The following SP140 variants were observed in gnomAD, a reference collection of about 807,000 sequenced individuals.
SP140 encodes nuclear body protein SP140.
SP140 carries 81 observed loss-of-function variants against 125.0 expected under a neutral mutation model. The ratio of observed to expected loss-of-function variants is 0.65; its 90% CI spans 0.54 to 0.78. The LOEUF (loss-of-function observed/expected upper bound fraction) is 0.78. SP140 is among the 30% of genes least tolerant of loss of function. The probability of loss-of-function intolerance (pLI) is 0.00; values close to 1 mark genes in which losing one functional copy is unlikely to be tolerated. For synonymous variants in SP140, 312 were observed against 354.0 expected, an observed-to-expected ratio of 0.88 and a Z score of 1.33; for missense variants, 858 against 1,037.0, an observed-to-expected ratio of 0.83 and a Z score of 2.37.
At chr2:230,296,303 G>A (rs2057723894) in intron 21 of SP140, among the ~76,000 whole-genome samples, 1 of 152,134 alleles carries the variant, frequency 6.6e-6, no homozygotes, top group Admixed American at 6.5e-5. Flanking sequence ...GGGTGGGGTG[G>A]GAGATTCTAG....
In SP140 at chr2:230,248,976, T is replaced by C. The variant is rs1372989580; in HGVS notation, c.976+8T>C. ...TACCAGGTGAAGGAGAAGGTAATTA[T>C]GATTTAAGTTTTTAAATATTTGAGT... On this transcript the variant is annotated splice_region_variant and intron_variant, in intron 9 of 26. Transcript: ENST00000392045. 2 of 1,599,944 alleles carry C rather than the reference T, an allele frequency of 1.3e-6. No individual in the cohort carries two copies. The highest frequency in any genetic ancestry group is 1.7e-5 in the Admixed American group (1 of 58,920).
At chr2:230,282,151 G>T (rs1183112485) in intron 15 of SP140, among the ~76,000 whole-genome samples, 2 of 152,104 alleles carry the variant, frequency 1.3e-5, no homozygotes, top group East Asian at 3.9e-4. Context: ...ATTCTCCTCT[G>T]GGGATATTAA....
Position 230,211,354 on chromosome 2 carries a change from G to T in SP140, c.-322-2300G>T. The T allele has an allele frequency of 1.3e-6, 1 of 764,250 alleles. No individual in the cohort carries two copies. The highest frequency in any genetic ancestry group is 2.4e-6 in the Non-Finnish European group (1 of 423,746). 47.3% of individuals were successfully genotyped at this position (764,250 alleles called of 1,614,324 possible). ...AAGTGCTGGGTGAACTGGAAGCTGG[G>T]CCAAGATTGCTGAGAGGCAGGAGGA... is the stretch of plus-strand genomic sequence containing the variant. On this transcript the variant is annotated intron_variant, in intron 1 of 4. Coordinates refer to the SP140 transcript ENST00000456542. This position sits in a 1 kb window ranked among gnomAD's most constrained non-coding sequence, Gnocchi z 4.2.
chr2:230,244,509 G>C (rs2049139637), intron 5 of SP140, among the ~76,000 whole-genome samples: 1 of 152,194 alleles, frequency 6.6e-6, no homozygotes, highest in South Asian at 2.1e-4. Context: ...GTTCTTAGGG[G>C]AGTGGGCCAG....
intron 7 of SP140, among the ~76,000 whole-genome samples, 164 bp from the exon 8 acceptor site, chr2:230,247,752 T>C (rs1181954873): frequency 6.6e-6 from 1 of 152,220 alleles, no homozygotes; most frequent in African/African-American, 2.4e-5. Flanking sequence ...TTTCTAGTCA[T>C]TGTCATTTTC....
chr2:230,216,754 GC>G (rs752191069), intron 3 of SP140: 1 of 1,612,936 alleles, frequency 6.2e-7, no homozygotes, highest in Non-Finnish European at 8.5e-7. Flanking sequence ...GGGCTGGGCT[GC>G]CATGGAAGGG....
chr2:230,270,367 C>T (rs1393952938), intron 14 of SP140, among the ~76,000 whole-genome samples: 1 of 152,138 alleles, frequency 6.6e-6, no homozygotes, highest in Non-Finnish European at 1.5e-5. Context: ...TGCAGGTCTA[C>T]TCTTCTTAGC....
chr2:230,284,768 T>A lies in SP140; in HGVS notation c.1564+357T>A, dbSNP rs551023583. Among the ~76,000 whole-genome samples, 5 of 152,350 alleles carry A rather than the reference T, an allele frequency of 3.3e-5. No homozygotes were observed. The East Asian group carries it at 7.7e-4, about 23-fold the overall frequency. ...GTGCACAATAGTAAACATACATATA[T>A]GTATAACCATATTTTATGTGAAATT... On this transcript the variant is annotated intron_variant, in intron 16 of 26. Coordinates refer to ENST00000392045, the MANE Select transcript of SP140 (RefSeq NM_007237.5).
intron 1 of SP140, among the ~76,000 whole-genome samples, chr2:230,235,868 G>GTTTT (rs984054259): frequency 1.4e-3 from 110 of 77,974 alleles, no homozygotes; most frequent in East Asian, 2.0e-3. Context: ...TCTTGTGACT[G>GTTTT]TTTTTTTTTT....
At chr2:230,188,901 A>C in the SP140 span, among the ~76,000 whole-genome samples, 46 of 152,014 alleles carry the variant, frequency 3.0e-4, no homozygotes, top group Admixed American at 3.0e-3. Flanking sequence ...TGGTCTGTTC[A>C]TGGTTTCTAT....
chr2:230,216,639 A>G (rs963528981), intron 3 of SP140: 37 of 978,300 alleles, frequency 3.8e-5, no homozygotes, highest in Non-Finnish European at 8.1e-6. Flanking sequence ...TCTCCTAACT[A>G]CCCCCACCTT....
At chr2:230,220,743 C>G (rs2045743454), upstream of SP140, among the ~76,000 whole-genome samples, 10 of 152,256 alleles carry the variant, frequency 6.6e-5, 1 homozygote, top group South Asian at 2.1e-3. Flanking sequence ...GTGGCTCATG[C>G]CTATAATCCC....
chr2:230,314,168 G>GA, downstream of SP140, among the ~76,000 whole-genome samples: 1 of 152,296 alleles, frequency 6.6e-6, no homozygotes, highest in Non-Finnish European at 1.5e-5. Context: ...AGAGGTACCT[G>GA]AGAACTTTGA....
chr2:230,249,025 T>TG, intron 9 of SP140, 57 bp downstream of exon 9: 1 of 1,446,004 alleles, frequency 6.9e-7, no homozygotes, highest in South Asian at 1.2e-5. Flanking sequence ...CTAGTTGGCA[T>TG]GGAAAAAAAG....
chr2:230,249,151 G>C (rs1045358763), intron 9 of SP140, among the ~76,000 whole-genome samples, 183 bp downstream of exon 9: 7 of 152,162 alleles, frequency 4.6e-5, no homozygotes, highest in African/African-American at 1.4e-4. Context: ...AAGGATCAAG[G>C]TGAGCTGAGC....
chr2:230,290,329 CTT>C (rs2056969653), intron 18 of SP140, 129 bp from the exon 19 acceptor site: 1 of 796,808 alleles, frequency 1.3e-6, no homozygotes, highest in Non-Finnish European at 2.0e-6. Flanking sequence ...GGAAGAAAGA[CTT>C]TGAAACTCTA....
chr2:230,306,021 C>A (rs565818828), intron 22 of SP140, among the ~76,000 whole-genome samples: 1 of 152,202 alleles, frequency 6.6e-6, no homozygotes, highest in Non-Finnish European at 1.5e-5. Flanking sequence ...CAACATCACC[C>A]CTGCACCAGA....
At chr2:230,222,138 G>A (rs1213301696), upstream of SP140, among the ~76,000 whole-genome samples, 1 of 151,806 alleles carries the variant, frequency 6.6e-6, no homozygotes, top group Non-Finnish European at 1.5e-5. Context: ...GCTGAGGCAT[G>A]AGAATCGCTT....
chr2:230,275,028 C>T (rs1393020818), intron 15 of SP140, among the ~76,000 whole-genome samples: 1 of 151,618 alleles, frequency 6.6e-6, no homozygotes, highest in East Asian at 1.9e-4. Context: ...TGCAGTTGAG[C>T]ATTCTTCATT....
Sources: gnomAD v4.1 joint callset for allele counts (sites outside exome capture counted in the v4.1 genomes callset) on GRCh38, gnomAD v4.1.1 for gene constraint, Gnocchi (gnomAD v3.1) non-coding constraint, MANE v1.5 for transcripts, NCBI Gene and HGNC (gene_info 2026-07-23, HGNC 2026-07-21) for gene names.